MAN1C1: variants seen among roughly 807,000 people sequenced by gnomAD.
The protein encoded by MAN1C1 is mannosyl-oligosaccharide 1,2-alpha-mannosidase IC.
MAN1C1 carries 49 observed loss-of-function variants against 71.5 expected under a neutral mutation model. The ratio of observed to expected loss-of-function variants is 0.69; its 90% CI spans 0.54 to 0.87. The LOEUF (loss-of-function observed/expected upper bound fraction) is 0.87. MAN1C1 is among the 40% of genes least tolerant of loss of function. The probability of loss-of-function intolerance (pLI) is 0.00; values close to 1 mark genes in which losing one functional copy is unlikely to be tolerated. For synonymous variants in MAN1C1, 352 were observed against 343.7 expected (o/e 1.02, Z -0.27); for missense variants, 743 against 835.0 (o/e 0.89, Z 1.36).
intron 2 of MAN1C1, among the ~76,000 whole-genome samples, chr1:25,716,031 G>T (rs1433041434): frequency 6.6e-6 from 1 of 152,112 alleles, no homozygotes; most frequent in East Asian, 1.9e-4. Flanking sequence ...ATTCCAGCCA[G>T]CAGGAAGGGA....
intron 1 of MAN1C1, among the ~76,000 whole-genome samples, chr1:25,620,832 C>T (rs1011674372): frequency 3.3e-5 from 5 of 152,154 alleles, no homozygotes; most frequent in Non-Finnish European, 7.3e-5. Context: ...ATGAGCATCC[C>T]GAGAGATGGA....
intron 5 of MAN1C1, among the ~76,000 whole-genome samples, chr1:25,755,191 G>T (rs2047270175): frequency 6.6e-6 from 1 of 152,216 alleles, no homozygotes; most frequent in Non-Finnish European, 1.5e-5. Context: ...CCTGGCAGGT[G>T]TGAGCTGCAC....
intron 1 of MAN1C1, among the ~76,000 whole-genome samples, chr1:25,669,681 G>A (rs1017534519): frequency 6.6e-6 from 1 of 152,178 alleles, no homozygotes; most frequent in African/African-American, 2.4e-5. Flanking sequence ...TAGGGAGGCT[G>A]AGGTGAGAGG....
In MAN1C1 at chr1:25,673,896, AATGGT is replaced by A. The variant is rs1231313272; in HGVS notation, c.541-12542_541-12538del. ...AATGAAAAAGGCAAAGCATTTTGGAAATGGTAGAGACACTTGCACATGGGCAGGTT... is the reference window on the plus strand; with the variant it reads ...AATGAAAAAGGCAAAGCATTTTGGAAAGAGACACTTGCACATGGGCAGGTT... On this transcript the variant is annotated intron_variant, in intron 1 of 11. Coordinates refer to ENST00000374332, the MANE Select transcript of MAN1C1 (RefSeq NM_020379.4). Among the ~76,000 whole-genome samples the A allele has an allele frequency of 2.0e-5, 3 of 152,342 alleles. No individual in the cohort carries two copies. In the East Asian group the frequency reaches 5.8e-4, roughly 29 times the overall value.
At chr1:25,729,438 C>T (rs2046879585) in intron 2 of MAN1C1, among the ~76,000 whole-genome samples, 3 of 152,144 alleles carry the variant, frequency 2.0e-5, no homozygotes, top group Admixed American at 1.3e-4. Flanking sequence ...TCATTGAGCT[C>T]CCAAGCCTAC....
At chr1:25,714,143 G>T (rs2046649207) in intron 2 of MAN1C1, among the ~76,000 whole-genome samples, 1 of 152,150 alleles carries the variant, frequency 6.6e-6, no homozygotes, top group Admixed American at 6.5e-5. Flanking sequence ...TTTGTCATAT[G>T]GGCGAAATCT....
intron 1 of MAN1C1, among the ~76,000 whole-genome samples, chr1:25,661,952 T>A (rs1294495748): frequency 6.8e-6 from 1 of 146,374 alleles, no homozygotes; most frequent in African/African-American, 2.8e-5. Flanking sequence ...CTTGAGGAAT[T>A]TTTTTAACTT....
intron 9 of MAN1C1, 198 bp from the exon 10 acceptor site, chr1:25,780,742 G>C (rs1311702505): frequency 1.7e-6 from 1 of 586,678 alleles, no homozygotes; most frequent in Non-Finnish European, 3.0e-6. Flanking sequence ...GTCTTGTTCT[G>C]TCCAGCCCAG....
intron 1 of MAN1C1, among the ~76,000 whole-genome samples, chr1:25,630,995 C>T (rs141696571): frequency 0.02 from 3,023 of 152,178 alleles, 105 homozygotes; most frequent in African/African-American, 0.068. Context: ...GACAGAGTCT[C>T]GCTCTGTCGC....
At position 25,781,129 on chromosome 1, in the gene MAN1C1, G is replaced by T. The variant is rs1572217014; in HGVS notation, c.1650+17G>T. The stretch of plus-strand genomic sequence containing the variant: ...GTGGTGCTGGTGAGTGGGCCCCAGG[G>T]ATGGGCAGCAAGGTGCTAGATGCCC... On this transcript the variant is annotated intron_variant, in intron 10 of 11. Coordinates refer to ENST00000374332, the MANE Select transcript of MAN1C1 (RefSeq NM_020379.4). 6.2e-7 allele frequency: 1 copy of T among 1,612,696 alleles called. No homozygotes were observed.
intron 1 of MAN1C1, among the ~76,000 whole-genome samples, chr1:25,632,968 A>G (rs893128024): frequency 6.6e-6 from 1 of 150,724 alleles, no homozygotes; most frequent in Non-Finnish European, 1.5e-5. Flanking sequence ...CCCAGGTTCA[A>G]GTGATTCTCC....
At chr1:25,712,776 C>A (rs1485602562) in intron 2 of MAN1C1, among the ~76,000 whole-genome samples, 1 of 152,180 alleles carries the variant, frequency 6.6e-6, no homozygotes, top group Non-Finnish European at 1.5e-5. Flanking sequence ...AGGTCTTAGG[C>A]TCCTGCATGG....
chr1:25,745,665 A>C (rs747415252), intron 2 of MAN1C1, among the ~76,000 whole-genome samples: 1 of 152,218 alleles, frequency 6.6e-6, no homozygotes, highest in African/African-American at 2.4e-5. Flanking sequence ...TATTAGCTAC[A>C]ACTAATCTTG....
At chr1:25,773,680 A>G (rs1163156046) in intron 8 of MAN1C1, among the ~76,000 whole-genome samples, 1 of 152,226 alleles carries the variant, frequency 6.6e-6, no homozygotes, top group Non-Finnish European at 1.5e-5. Context: ...CTCAGGGCAC[A>G]CAGTAGTTGA....
intron 1 of MAN1C1, among the ~76,000 whole-genome samples, chr1:25,651,560 C>T (rs1057465567): frequency 6.6e-6 from 1 of 152,136 alleles, no homozygotes; most frequent in East Asian, 1.9e-4. Context: ...TTGGAGGGGC[C>T]GTGACCCAAG....
chr1:25,765,153 A>C (rs2047411460), intron 7 of MAN1C1, among the ~76,000 whole-genome samples: 1 of 152,216 alleles, frequency 6.6e-6, no homozygotes, highest in Non-Finnish European at 1.5e-5. Context: ...TTTCTCAGCC[A>C]GATAACAGCC....
At chr1:25,752,551 A>G (rs2047231154) in intron 4 of MAN1C1, among the ~76,000 whole-genome samples, 1 of 152,212 alleles carries the variant, frequency 6.6e-6, no homozygotes, top group Admixed American at 6.5e-5. Context: ...TATTTAGAAC[A>G]CTTCCAGTTT....
chr1:25,623,048 G>A (rs2045238315), intron 1 of MAN1C1, among the ~76,000 whole-genome samples: 1 of 152,166 alleles, frequency 6.6e-6, no homozygotes, highest in Non-Finnish European at 1.5e-5. Flanking sequence ...ATCCATTCAA[G>A]ATCCTTTCCC....
chr1:25,772,454 C>A (rs527569378), intron 8 of MAN1C1: 2 of 152,566 alleles, frequency 1.3e-5, no homozygotes, highest in South Asian at 2.1e-4. Flanking sequence ...AATCAGTTAG[C>A]CTGAGCCATT....
Sources: gnomAD v4.1 joint callset for allele counts (sites outside exome capture counted in the v4.1 genomes callset) on GRCh38, gnomAD v4.1.1 for gene constraint, MANE v1.5 for transcripts, NCBI Gene and HGNC (gene_info 2026-07-23, HGNC 2026-07-21) for gene names.